RACK1: variants seen among roughly 807,000 people sequenced by gnomAD.
The protein encoded by RACK1 is receptor for activated C kinase 1.
In RACK1, 3 loss-of-function variants were observed where a neutral mutation model predicts 42.2. That is an observed-to-expected ratio of 0.07 (90% CI 0.03 to 0.18). The LOEUF (loss-of-function observed/expected upper bound fraction) is 0.18, where lower values mean the gene tolerates loss of function less well. Ranked by LOEUF, RACK1 falls within the 10% of genes least tolerant of loss-of-function variation. The probability of loss-of-function intolerance (pLI) is 1.00; values close to 1 mark genes in which losing one functional copy is unlikely to be tolerated. For missense variants in RACK1, 146 were observed against 403.2 expected (o/e 0.36, Z 5.46); for synonymous variants, 181 against 154.8 (o/e 1.17, Z -1.25).
intron 2 of RACK1, 149 bp from the exon 3 acceptor site, chr5:181,241,788 T>C (rs773645224): frequency 9.1e-6 from 8 of 881,222 alleles, no homozygotes; most frequent in Admixed American, 5.1e-5. Context: ...ACTGAGTATA[T>C]GAAAGAGAAG....
chr5:181,243,271 C>G, intron 1 of RACK1: 2 of 1,354,682 alleles, frequency 1.5e-6, no homozygotes, highest in Non-Finnish European at 2.0e-6. Context: ...ACGAGGTCCT[C>G]TGGAGTCCAC....
intron 6 of RACK1, 83 bp downstream of exon 6, chr5:181,238,016 G>T: frequency 6.9e-7 from 1 of 1,456,650 alleles, no homozygotes; most frequent in Non-Finnish European, 9.5e-7. Context: ...CCAGGTGGGA[G>T]TCAGATGGCA....
At chr5:181,243,433 TAA>T (rs1426402745) in intron 1 of RACK1, 6 of 1,506,864 alleles carry the variant, frequency 4.0e-6, no homozygotes, top group Admixed American at 1.9e-5. Context: ...AAAGATATTT[TAA>T]AAGTTTCCAA....
chr5:181,242,581 G>A (rs1269038858), intron 1 of RACK1: 1 of 576,218 alleles, frequency 1.7e-6, no homozygotes, highest in Non-Finnish European at 3.3e-6. Flanking sequence ...TTCTTGAGAT[G>A]GAGTCTCGCT....
In RACK1 at chr5:181,237,375, T is replaced by G. The variant is rs548225377; in HGVS notation, c.888+234A>C. ...CCAGACATTTGAAAACTGGTCAGATTAATTAAGGTATTAATTGAAGGCTGA... is the reference window on the plus strand; with the variant it reads ...CCAGACATTTGAAAACTGGTCAGATGAATTAAGGTATTAATTGAAGGCTGA... On this transcript the variant is annotated intron_variant, in intron 7 of 7. Coordinates refer to ENST00000512805, the MANE Select transcript of RACK1 (RefSeq NM_006098.5). The G allele has an allele frequency of 1.1e-5, 8 of 702,892 alleles. No homozygotes were observed. The South Asian group carries it at 1.2e-4, about 11-fold the overall frequency. 43.5% of individuals were successfully genotyped at this position (702,892 alleles called of 1,614,324 possible). A position where few individuals can be genotyped will look rare whatever the true frequency, so the allele number is the denominator to read the frequency against.
chr5:181,237,316 A>C lies in RACK1; in HGVS notation c.889-274T>G, dbSNP rs1306108702. On this transcript the variant is annotated intron_variant, in intron 7 of 7. Coordinates refer to ENST00000512805, the MANE Select transcript of RACK1 (RefSeq NM_006098.5). ...GCCAGCTTGTAAGTGGTGGTTATGTATTCCTTGAGGAAGAAACAGCTGGTG... is the reference window on the plus strand; with the variant it reads ...GCCAGCTTGTAAGTGGTGGTTATGTCTTCCTTGAGGAAGAAACAGCTGGTG... 9 of 719,332 alleles carry C rather than the reference A, an allele frequency of 1.3e-5. No individual in the cohort carries two copies. The South Asian group carries it at 1.3e-4, about 11-fold the overall frequency. 44.6% of individuals were successfully genotyped at this position (719,332 alleles called of 1,614,324 possible).
intron 5 of RACK1, chr5:181,238,830 AAC>A: frequency 7.6e-6 from 3 of 393,770 alleles, no homozygotes; most frequent in South Asian, 5.2e-5. Flanking sequence ...CAAACAAAAA[AAC>A]AACAAAAAAA....
chr5:181,240,921 G>T (rs1426197870), intron 3 of RACK1: 1 of 152,366 alleles, frequency 6.6e-6, no homozygotes, highest in African/African-American at 2.4e-5. Flanking sequence ...CTGAGGTTGG[G>T]AGTTCAAGAC....
At chr5:181,238,382 A>G in intron 5 of RACK1, 143 bp from the exon 6 acceptor site, 1 of 795,190 alleles carries the variant, frequency 1.3e-6, no homozygotes, top group South Asian at 1.7e-5. Context: ...AAGTACCAAT[A>G]TTTATCTCTG....
At chr5:181,241,722 G>T in intron 2 of RACK1, 83 bp from the exon 3 acceptor site, 1 of 1,422,482 alleles carries the variant, frequency 7.0e-7, no homozygotes, top group Non-Finnish European at 9.9e-7. Context: ...CTTTGTCTCT[G>T]TCTCATTGCA....
chr5:181,243,339 G>A, intron 1 of RACK1: 1 of 1,371,566 alleles, frequency 7.3e-7, no homozygotes. Context: ...CTGGATTTCA[G>A]CACCGACACT....
intron 6 of RACK1, 113 bp from the exon 7 acceptor site, chr5:181,237,832 T>C (rs1377496763): frequency 4.2e-6 from 3 of 710,672 alleles, no homozygotes; most frequent in East Asian, 2.6e-5. Flanking sequence ...CTGGGGTCCA[T>C]GTATCAATGC....
chr5:181,238,833 AAC>A (rs1759234805), intron 5 of RACK1: 8 of 496,250 alleles, frequency 1.6e-5, no homozygotes, highest in Non-Finnish European at 2.2e-5. Context: ...ACAAAAAAAC[AAC>A]AAAAAAAACC....
intron 5 of RACK1, chr5:181,238,457 A>C: frequency 3.9e-6 from 2 of 511,140 alleles, no homozygotes; most frequent in Non-Finnish European, 7.0e-6. Context: ...ACTTACATAA[A>C]TCACTCCAAT....
intron 5 of RACK1, chr5:181,238,794 G>A (rs555808466): frequency 7.6e-5 from 31 of 409,218 alleles, no homozygotes; most frequent in African/African-American, 4.2e-4. Flanking sequence ...GTGAGACTCC[G>A]TCTCAAAAAA....
intron 7 of RACK1, chr5:181,237,371 AGATT>A (rs1458988569): frequency 1.4e-6 from 1 of 703,502 alleles, no homozygotes; most frequent in Non-Finnish European, 2.6e-6. Flanking sequence ...AAAACTGGTC[AGATT>A]AATTAAGGTA....
At chr5:181,242,429 C>T in intron 1 of RACK1, 84 bp from the exon 2 acceptor site, 1 of 913,576 alleles carries the variant, frequency 1.1e-6, no homozygotes, top group Non-Finnish European at 1.7e-6. Flanking sequence ...GTGTCAAGGT[C>T]ATGAGTGGGT....
intron 1 of RACK1, chr5:181,243,304 C>T (rs868814849): frequency 1.5e-6 from 2 of 1,359,240 alleles, no homozygotes; most frequent in Non-Finnish European, 1.9e-6. Context: ...GAGCCTTGGG[C>T]CGGGCGGCAG....
chr5:181,236,921 C>T lies in RACK1; in HGVS notation c.*56G>A, dbSNP rs906647106. ...CTTTTTTGCATATAAGAAAAAAAAA[C>T]CTAAAAGTCAGAAAAGCCAGTTTTT... On this transcript the variant is annotated 3_prime_UTR_variant, in exon 8 of 8. Coordinates refer to ENST00000512805, the MANE Select transcript of RACK1 (RefSeq NM_006098.5). The T allele has an allele frequency of 4.3e-5, 67 of 1,549,284 alleles. 1 individual carries two copies. In the East Asian group the frequency reaches 5.4e-4, roughly 13 times the overall value.
Sources: gnomAD v4.1 joint callset for allele counts on GRCh38, gnomAD v4.1.1 for gene constraint, MANE v1.5 for transcripts, NCBI Gene and HGNC (gene_info 2026-07-23, HGNC 2026-07-21) for gene names.